MTMR3: variants seen among roughly 807,000 people sequenced by gnomAD.
MTMR3 encodes myotubularin related protein 3.
MTMR3 carries 32 observed loss-of-function variants against 132.4 expected under a neutral mutation model. The ratio of observed to expected loss-of-function variants is 0.24; its 90% confidence interval spans 0.18 to 0.32. The LOEUF (loss-of-function observed/expected upper bound fraction) is 0.32. Among genes scored for constraint, MTMR3 ranks in the 10% least tolerant of loss-of-function variants. The pLI is 1.00. For missense variants in MTMR3, 1,216 were observed against 1,489.6 expected (o/e 0.82, Z 3.02); for synonymous variants, 556 against 550.3 (o/e 1.01, Z -0.14).
At chr22:29,967,752 T>C (rs1286857887) in intron 2 of MTMR3, among the ~76,000 whole-genome samples, 1 of 152,160 alleles carries the variant, frequency 6.6e-6, no homozygotes, top group African/African-American at 2.4e-5. Flanking sequence ...ATCTACTTTC[T>C]GTCTCTGTGG....
At chr22:29,951,354 G>T (rs867434941) in intron 1 of MTMR3, among the ~76,000 whole-genome samples, 4 of 152,004 alleles carry the variant, frequency 2.6e-5, no homozygotes, top group African/African-American at 9.7e-5. Context: ...CTTGTATAAG[G>T]GTTGAGTTTA....
intron 1 of MTMR3, among the ~76,000 whole-genome samples, chr22:29,904,539 C>G (rs751451630): frequency 6.6e-6 from 1 of 152,154 alleles, no homozygotes; most frequent in Non-Finnish European, 1.5e-5. Flanking sequence ...ATGGGGCTAA[C>G]AATAATACCT....
intron 1 of MTMR3, among the ~76,000 whole-genome samples, chr22:29,905,607 T>G (rs2065079130): frequency 1.3e-5 from 2 of 152,218 alleles, no homozygotes; most frequent in African/African-American, 4.8e-5. Context: ...AGGTACTTCC[T>G]TGATGTAAGG....
intron 1 of MTMR3, among the ~76,000 whole-genome samples, chr22:29,953,377 G>A (rs1167175138): frequency 6.6e-6 from 1 of 152,104 alleles, no homozygotes; most frequent in African/African-American, 2.4e-5. Flanking sequence ...GTACAAATTG[G>A]TGTGCCTCTT....
chr22:29,891,727 A>G (rs1319765068), intron 1 of MTMR3, among the ~76,000 whole-genome samples: 1 of 151,938 alleles, frequency 6.6e-6, no homozygotes, highest in Non-Finnish European at 1.5e-5. Context: ...GCCACCGTGC[A>G]TATGTTATAC....
intron 3 of MTMR3, among the ~76,000 whole-genome samples, chr22:29,974,176 G>T (rs938742921): frequency 2.6e-5 from 4 of 152,132 alleles, no homozygotes; most frequent in African/African-American, 9.7e-5. Flanking sequence ...TTATAGCTAG[G>T]ATACGTTTGT....
intron 5 of MTMR3, 31 bp from the exon 6 acceptor site, chr22:29,988,449 C>T (rs1411643107): frequency 6.5e-7 from 1 of 1,550,356 alleles, no homozygotes; most frequent in Non-Finnish European, 8.9e-7. Flanking sequence ...GCCTTTTTGA[C>T]TAAGAGGACT....
At chr22:29,899,603 TCA>T (rs2058668466) in intron 1 of MTMR3, 2 of 152,228 alleles carry the variant, frequency 1.3e-5, no homozygotes, top group Non-Finnish European at 2.9e-5. Flanking sequence ...ATGGAAAGCC[TCA>T]CCAATTTGCA....
intron 7 of MTMR3, chr22:29,998,040 T>A (rs1389475146): frequency 6.6e-6 from 1 of 152,226 alleles, no homozygotes; most frequent in Non-Finnish European, 1.5e-5. Flanking sequence ...GGTGATCTTG[T>A]TATTGATTTT....
chr22:29,921,906 T>A lies in MTMR3; in HGVS notation c.-137-35130T>A, dbSNP rs1316049117. On this transcript the variant is annotated intron_variant, in intron 1 of 19. Transcript: ENST00000401950. ...CTCTATTGCCCAGGCTGGAGTGCGG[T>A]GGTGCCATCTCGGCTTGCTGCAACC... 2.0e-5 allele frequency among the ~76,000 whole-genome samples: 3 copies of A among 150,156 alleles called. No individual in the cohort carries two copies. In the Admixed American group the frequency reaches 2.0e-4, roughly 10 times the overall value.
intron 10 of MTMR3, 59 bp from the exon 11 acceptor site, chr22:30,007,842 C>T (rs1369169381): frequency 6.3e-7 from 1 of 1,587,482 alleles, no homozygotes; most frequent in African/African-American, 1.3e-5. Context: ...GGGTCTAATT[C>T]TGCACAGTTC....
intron 2 of MTMR3, among the ~76,000 whole-genome samples, chr22:29,965,687 A>G (rs2066401673): frequency 6.6e-6 from 1 of 152,188 alleles, no homozygotes; most frequent in Non-Finnish European, 1.5e-5. Context: ...TCTGTCTCAA[A>G]AACAAAACAA....
At chr22:29,991,938 T>C (rs1169737083) in intron 7 of MTMR3, 1 of 276,846 alleles carries the variant, frequency 3.6e-6, no homozygotes, top group African/African-American at 2.2e-5. Context: ...TATGGAAGCC[T>C]GATAGAAAGG....
intron 1 of MTMR3, among the ~76,000 whole-genome samples, chr22:29,890,459 A>G (rs1568991593): frequency 1.3e-5 from 2 of 152,056 alleles, no homozygotes; most frequent in Non-Finnish European, 2.9e-5. Context: ...CAGAGGTTGC[A>G]GTGAGCCGAG....
chr22:29,935,715 TTGAA>T (rs971265976), intron 1 of MTMR3, among the ~76,000 whole-genome samples: 4 of 151,782 alleles, frequency 2.6e-5, no homozygotes, highest in East Asian at 1.9e-4. Context: ...TACTGTCTGA[TTGAA>T]TGATCTCTTC....
chr22:29,912,399 C>T (rs1350923460), intron 1 of MTMR3, among the ~76,000 whole-genome samples: 1 of 152,118 alleles, frequency 6.6e-6, no homozygotes, highest in East Asian at 1.9e-4. Flanking sequence ...AAAGGATCCT[C>T]CTGCCTCCCA....
chr22:29,941,679 G>A (rs886803644), intron 1 of MTMR3, among the ~76,000 whole-genome samples: 8 of 152,110 alleles, frequency 5.3e-5, no homozygotes, highest in Non-Finnish European at 1.2e-4. Flanking sequence ...TCTCCTACAT[G>A]ACTTTCCTTT....
chr22:29,914,493 A>G (rs2065273194), intron 1 of MTMR3, among the ~76,000 whole-genome samples: 1 of 152,224 alleles, frequency 6.6e-6, no homozygotes. Context: ...AGTCCTTCAT[A>G]ACAGGTTTTG....
At chr22:29,883,631 C>G (rs1487272149) in intron 1 of MTMR3, among the ~76,000 whole-genome samples, 2 of 152,092 alleles carry the variant, frequency 1.3e-5, no homozygotes, top group Non-Finnish European at 1.5e-5. Flanking sequence ...GTCCCGGGCT[C>G]GGGCTGCCTT....
Sources: gnomAD v4.1 joint callset for allele counts (sites outside exome capture counted in the v4.1 genomes callset) on GRCh38, gnomAD v4.1.1 for gene constraint, MANE v1.5 for transcripts, NCBI Gene and HGNC (gene_info 2026-07-23, HGNC 2026-07-21) for gene names.